Variants in SP4 observed in about 807,000 individuals in gnomAD.
SP4 encodes transcription factor Sp4.
A neutral mutation model predicts 72.8 loss-of-function variants in SP4; 19 were observed. The observed-to-expected ratio is 0.26, with a 90% CI of 0.18 to 0.38. SP4 has a LOEUF of 0.38. Ranked by LOEUF, SP4 falls within the 10% of genes least tolerant of loss-of-function variation. The pLI is 1.00. For missense variants in SP4, 1,008 were observed against 926.3 expected (o/e 1.09, Z -1.14); for synonymous variants, 395 against 333.1 (o/e 1.19, Z -2.02).
intron 3 of SP4, among the ~76,000 whole-genome samples, chr7:21,462,140 C>G (rs527765177): frequency 6.6e-6 from 1 of 152,040 alleles, no homozygotes; most frequent in East Asian, 1.9e-4. Context: ...ATCCGCCCAC[C>G]TCAGCCTCCC....
intron 5 of SP4, among the ~76,000 whole-genome samples, chr7:21,510,145 G>T (rs1178016652): frequency 6.6e-6 from 1 of 152,198 alleles, no homozygotes; most frequent in Non-Finnish European, 1.5e-5. Flanking sequence ...CACAATTCAA[G>T]ATGAGATTTG....
At chr7:21,449,003 A>T (rs1261295550) in intron 3 of SP4, among the ~76,000 whole-genome samples, 1 of 152,178 alleles carries the variant, frequency 6.6e-6, no homozygotes, top group Non-Finnish European at 1.5e-5. Flanking sequence ...TTTCCTAAAG[A>T]CAATTCTCCT....
chr7:21,457,315 A>G (rs1783798112), intron 3 of SP4, among the ~76,000 whole-genome samples: 1 of 152,148 alleles, frequency 6.6e-6, no homozygotes, highest in African/African-American at 2.4e-5. Context: ...CAGCTTTTGT[A>G]ATGGAAAACA....
chr7:21,463,908 T>A (rs911674510), intron 3 of SP4, among the ~76,000 whole-genome samples: 1 of 152,202 alleles, frequency 6.6e-6, no homozygotes, highest in African/African-American at 2.4e-5. Flanking sequence ...AGTCTTAGTT[T>A]AGCCACTTAA....
intron 3 of SP4, among the ~76,000 whole-genome samples, chr7:21,465,608 A>G (rs1324290629): frequency 6.6e-6 from 1 of 152,204 alleles, no homozygotes; most frequent in East Asian, 1.9e-4. Flanking sequence ...GATGGGAAGG[A>G]TGGGCATAAT....
At chr7:21,433,779 A>G (rs1473776879) in intron 3 of SP4, among the ~76,000 whole-genome samples, 4 of 152,150 alleles carry the variant, frequency 2.6e-5, no homozygotes, top group Non-Finnish European at 4.4e-5. Flanking sequence ...TGTCTCTACT[A>G]AAAATACAGA....
At chr7:21,465,212 A>C (rs1286730807) in intron 3 of SP4, among the ~76,000 whole-genome samples, 1 of 152,170 alleles carries the variant, frequency 6.6e-6, no homozygotes, top group Non-Finnish European at 1.5e-5. Context: ...CCAACACCAA[A>C]TGACTAGAGT....
In SP4 at chr7:21,440,062, T is replaced by C. The variant is rs184859408; in HGVS notation, c.1678+9219T>C. ...TGCTTGATCAGAGGTATGGTTCTTA[T>C]AGTAGGTTTATTATTCGTGCAGACC... On this transcript the variant is annotated intron_variant, in intron 3 of 5. Transcript: ENST00000222584. Among the ~76,000 whole-genome samples, 302 of 152,314 alleles carry C rather than the reference T, an allele frequency of 2.0e-3. 2 individuals carry two copies. Among genetic ancestry groups the C allele is most frequent in the Admixed American group, 5.5e-3 (84 of 15,302 alleles).
At chr7:21,428,967 ACG>A (rs1782730659) in intron 2 of SP4, 175 bp downstream of exon 2, 1 of 615,754 alleles carries the variant, frequency 1.6e-6, no homozygotes, top group South Asian at 2.2e-5. Context: ...TGAGGGTATA[ACG>A]CTGTTTAAAA....
intron 3 of SP4, among the ~76,000 whole-genome samples, chr7:21,434,112 G>T (rs1475414053): frequency 1.3e-5 from 2 of 152,102 alleles, no homozygotes; most frequent in Non-Finnish European, 2.9e-5. Flanking sequence ...GTACTTTCTT[G>T]GTCGGTTCAT....
chr7:21,509,633 TAAGG>T (rs58985697), intron 5 of SP4, among the ~76,000 whole-genome samples: 3,270 of 152,236 alleles, frequency 0.021, 119 homozygotes, highest in African/African-American at 0.073. Context: ...GTAACAATAA[TAAGG>T]AAGACTAATG....
chr7:21,507,762 C>T (rs927991568), intron 5 of SP4, among the ~76,000 whole-genome samples: 4 of 152,084 alleles, frequency 2.6e-5, no homozygotes, highest in Non-Finnish European at 1.5e-5. Context: ...TTTCTGTTTC[C>T]CATTTTTGGT....
intron 3 of SP4, among the ~76,000 whole-genome samples, chr7:21,469,695 C>T (rs1475997316): frequency 1.3e-5 from 2 of 151,872 alleles, no homozygotes; most frequent in Non-Finnish European, 1.5e-5. Context: ...GTGCCCGCCA[C>T]CACACCCGGC....
At position 21,430,081 on chromosome 7, in the gene SP4, A is replaced by G; in HGVS notation, c.916A>G (p.Asn306Asp). ...GAATCAATTAGTTTCCACACCCACC[A>G]ACACCACTACTTCTGCCAGTACTAT... is the stretch of plus-strand genomic sequence containing the variant. ...NGNQLVSTPT[N>D]TTTSASTMPE... The change falls in exon 3 of 6, where the codon AAC becomes GAC. Residue 306 changes from asparagine (N) to aspartate (D), a missense_variant. This residue lies in a region of SP4 where 893 missense variants were observed against 743.3 expected (regional missense o/e 1.20). Coordinates refer to ENST00000222584, the MANE Select transcript of SP4 (RefSeq NM_003112.5). 1 of 1,614,212 alleles carries G rather than the reference A, an allele frequency of 6.2e-7. No homozygotes were observed. The highest frequency in any genetic ancestry group is 2.2e-5 in the East Asian group (1 of 44,886).
At chr7:21,504,687 T>C (rs1361315705) in intron 5 of SP4, among the ~76,000 whole-genome samples, 1 of 152,160 alleles carries the variant, frequency 6.6e-6, no homozygotes, top group African/African-American at 2.4e-5. Flanking sequence ...AAGCAAATAA[T>C]TTTTTTTCTT....
intron 3 of SP4, among the ~76,000 whole-genome samples, chr7:21,470,500 G>T (rs892391271): frequency 1.3e-5 from 2 of 152,126 alleles, no homozygotes; most frequent in African/African-American, 4.8e-5. Flanking sequence ...AGAGAACTAG[G>T]TTATTCTATA....
intron 3 of SP4, among the ~76,000 whole-genome samples, chr7:21,464,918 C>T (rs1784121447): frequency 6.6e-6 from 1 of 152,132 alleles, no homozygotes; most frequent in Non-Finnish European, 1.5e-5. Flanking sequence ...ATAGAATTAG[C>T]CAGATTTTCC....
At chr7:21,480,988 C>G (rs963335372) in intron 4 of SP4, among the ~76,000 whole-genome samples, 5 of 152,176 alleles carry the variant, frequency 3.3e-5, no homozygotes, top group African/African-American at 1.2e-4. Flanking sequence ...AGTTACAACC[C>G]TGCTTTAAGA....
At chr7:21,449,116 C>T (rs1042144411) in intron 3 of SP4, among the ~76,000 whole-genome samples, 2 of 152,192 alleles carry the variant, frequency 1.3e-5, no homozygotes, top group Non-Finnish European at 2.9e-5. Flanking sequence ...TCTAATCACC[C>T]CCCAGGGCGA....
Sources: gnomAD v4.1 joint callset for allele counts (sites outside exome capture counted in the v4.1 genomes callset) on GRCh38, gnomAD v4.1.1 for gene constraint, gnomAD v4.1.1 regional missense constraint, MANE v1.5 for transcripts, NCBI Gene and HGNC (gene_info 2026-07-23, HGNC 2026-07-21) for gene names.